RALGAPA1: variants seen among roughly 807,000 people sequenced by gnomAD.
RALGAPA1 encodes the protein Ral GTPase activating protein catalytic subunit alpha 1, also known as ral GTPase-activating protein subunit alpha-1.
In RALGAPA1, 52 loss-of-function variants were observed where a neutral mutation model predicts 269.6. The observed-to-expected ratio is 0.19, with a 90% CI of 0.15 to 0.24. The LOEUF (loss-of-function observed/expected upper bound fraction) is 0.24. RALGAPA1 is among the 10% of genes least tolerant of loss of function. RALGAPA1 has a pLI of 1.00. For synonymous variants in RALGAPA1, 817 were observed against 1,008.3 expected (o/e 0.81, Z 3.60); for missense variants, 1,917 against 3,013.9 (o/e 0.64, Z 8.52).
chr14:35,550,189 A>C (rs2054858178), intron 39 of RALGAPA1, among the ~76,000 whole-genome samples: 1 of 152,236 alleles, frequency 6.6e-6, no homozygotes, highest in Admixed American at 6.5e-5. Context: ...GTAGAGCAGC[A>C]GGCAGCAACA....
intron 1 of RALGAPA1, among the ~76,000 whole-genome samples, chr14:35,792,085 T>C (rs2076218189): frequency 6.6e-6 from 1 of 152,072 alleles, no homozygotes; most frequent in South Asian, 2.1e-4. Flanking sequence ...GCCTTAAATA[T>C]TGGCCAAGGA....
intron 37 of RALGAPA1, among the ~76,000 whole-genome samples, chr14:35,586,802 C>G (rs1359750515): frequency 1.3e-5 from 2 of 152,162 alleles, no homozygotes; most frequent in Non-Finnish European, 2.9e-5. Context: ...GCATCCCAGG[C>G]ATGAAGCCAA....
chr14:35,685,751 A>G (rs28682407), intron 19 of RALGAPA1, among the ~76,000 whole-genome samples: 16,937 of 152,058 alleles, frequency 0.11, 1,563 homozygotes, highest in East Asian at 0.37. Context: ...TAAAAATAGA[A>G]CAATTATCCA....
intron 11 of RALGAPA1, among the ~76,000 whole-genome samples, chr14:35,741,495 C>G (rs548165465): frequency 1.3e-5 from 2 of 152,132 alleles, no homozygotes; most frequent in South Asian, 4.1e-4. Context: ...CACGCTCAGG[C>G]TCATCAAATC....
At chr14:35,716,626 C>G (rs1309506371) in intron 16 of RALGAPA1, among the ~76,000 whole-genome samples, 1 of 151,996 alleles carries the variant, frequency 6.6e-6, no homozygotes, top group African/African-American at 2.4e-5. Context: ...ACCAAGATAT[C>G]CCCAAAATAA....
chr14:35,539,905 C>T (rs1197429861), intron 41 of RALGAPA1, among the ~76,000 whole-genome samples: 1 of 152,042 alleles, frequency 6.6e-6, no homozygotes, highest in Non-Finnish European at 1.5e-5. Flanking sequence ...CAAGAAAGCG[C>T]CAATCATCAT....
intron 37 of RALGAPA1, among the ~76,000 whole-genome samples, chr14:35,582,808 C>G (rs1490475376): frequency 6.6e-6 from 1 of 152,158 alleles, no homozygotes; most frequent in Non-Finnish European, 1.5e-5. Context: ...TTACCAAAGC[C>G]TAATCTACCT....
At chr14:35,685,740 C>T (rs2065870443) in intron 19 of RALGAPA1, among the ~76,000 whole-genome samples, 1 of 152,182 alleles carries the variant, frequency 6.6e-6, no homozygotes, top group Non-Finnish European at 1.5e-5. Context: ...CCTGTCTCTA[C>T]TAAAAATAGA....
chr14:35,684,999 A>C lies in RALGAPA1; in HGVS notation c.4224T>G (p.Ser1408Arg). 6.2e-7 allele frequency: 1 copy of C among 1,613,340 alleles called. No homozygotes were observed. Among genetic ancestry groups the C allele is most frequent in the Admixed American group, 1.7e-5 (1 of 59,930 alleles). Residue 1408 changes from serine (S) to arginine (R), a missense_variant, in exon 20 of 42, where the codon AGT becomes AGG. Ser to Arg is a moderately radical substitution (Grantham distance 110, BLOSUM62 -1). This residue lies in a region of RALGAPA1 where 615 missense variants were observed against 790.0 expected (regional missense o/e 0.78). Coordinates refer to ENST00000680220, the MANE Select transcript of RALGAPA1 (RefSeq NM_001346249.2). The part of the protein sequence containing the change: ...EWTSPASAGS[S>R]DLISSDSHSD... Reference sequence around the variant, plus strand: ...AATGACTATCTGAGCTGATAAGATCACTGCTCCCTGCACTGGCAGGAGAAG... The same window carrying C: ...AATGACTATCTGAGCTGATAAGATCCCTGCTCCCTGCACTGGCAGGAGAAG...
intron 34 of RALGAPA1, among the ~76,000 whole-genome samples, chr14:35,625,958 G>C (rs1192399199): frequency 6.6e-6 from 1 of 152,136 alleles, no homozygotes; most frequent in East Asian, 1.9e-4. Flanking sequence ...GCTTGCTGAA[G>C]TAAAATACAG....
At chr14:35,600,135 CT>C (rs1353447238) in intron 36 of RALGAPA1, among the ~76,000 whole-genome samples, 256 of 132,868 alleles carry the variant, frequency 1.9e-3, no homozygotes, top group African/African-American at 3.5e-3. Flanking sequence ...GAATGCTAGA[CT>C]TTTTTTTTTT....
Position 35,751,083 on chromosome 14 carries a change from G to A in RALGAPA1, c.803-393C>T, listed in dbSNP as rs544292882. ...GTTAGTTGCCTAAACTTGGTATTAG[G>A]AACATCTTTCTGGGAAAGAGACAAT... On this transcript the variant is annotated intron_variant, in intron 8 of 41. Transcript: ENST00000680220. Among the ~76,000 whole-genome samples the A allele has an allele frequency of 5.3e-5, 8 of 152,244 alleles. No homozygotes were observed. In the South Asian group the frequency reaches 1.5e-3, roughly 28 times the overall value.
intron 11 of RALGAPA1, among the ~76,000 whole-genome samples, chr14:35,738,860 C>T (rs2071288082): frequency 1.3e-5 from 2 of 151,978 alleles, no homozygotes; most frequent in African/African-American, 4.8e-5. Context: ...TAAAAAACAA[C>T]AACAAAACCC....
chr14:35,688,771 G>A lies in RALGAPA1; in HGVS notation c.3640C>T (p.Pro1214Ser), dbSNP rs1403624302. ...TELVKPGVYR[P>S]LDTLGTASVS... ...GATGCAGTACCAAGTGTATCTAGAG[G>A]TCTGTACACACCAGGTTTTACTAGC... The change falls in exon 18 of 42, where the codon CCT (proline) becomes TCT (serine). Residue 1214 changes from proline to serine, a missense_variant. Physicochemically the swap from Pro to Ser is moderately conservative, Grantham distance 74. This residue lies in a region of RALGAPA1 where 615 missense variants were observed against 790.0 expected (regional missense o/e 0.78). Coordinates refer to ENST00000680220, the MANE Select transcript of RALGAPA1 (RefSeq NM_001346249.2). 1.4e-6 allele frequency: 2 copies of A among 1,440,940 alleles called. No homozygotes were observed. Among genetic ancestry groups the A allele is most frequent in the Non-Finnish European group, 1.8e-6 (2 of 1,103,768 alleles). The allele number at this position is 1,440,940 out of a possible 1,614,324, so 89.3% of individuals were successfully genotyped here. A position where few individuals can be genotyped will look rare whatever the true frequency, so the allele number is the denominator to read the frequency against.
At chr14:35,551,697 A>G (rs1161870048) in intron 39 of RALGAPA1, among the ~76,000 whole-genome samples, 4 of 152,182 alleles carry the variant, frequency 2.6e-5, no homozygotes, top group Non-Finnish European at 4.4e-5. Context: ...CAAGAAAATG[A>G]TTATCTAGCT....
intron 3 of RALGAPA1, among the ~76,000 whole-genome samples, chr14:35,772,165 C>T (rs1400530597): frequency 1.3e-5 from 2 of 152,146 alleles, no homozygotes; most frequent in Non-Finnish European, 2.9e-5. Flanking sequence ...AAGTGATCCA[C>T]TCGTCTCAGC....
chr14:35,699,519 G>A (rs1047178556), intron 17 of RALGAPA1, among the ~76,000 whole-genome samples: 1 of 152,118 alleles, frequency 6.6e-6, no homozygotes, highest in African/African-American at 2.4e-5. Context: ...GGGGACCAAC[G>A]ACCTGAGGCA....
intron 35 of RALGAPA1, among the ~76,000 whole-genome samples, chr14:35,605,914 T>C (rs1721327516): frequency 6.6e-6 from 1 of 152,158 alleles, no homozygotes; most frequent in Non-Finnish European, 1.5e-5. Flanking sequence ...GCACGATCAC[T>C]TTTGACTGCA....
chr14:35,808,889 C>G lies in RALGAPA1; in HGVS notation c.-54G>C. 6.4e-7 allele frequency: 1 copy of G among 1,574,458 alleles called. No homozygotes were observed. The highest frequency in any genetic ancestry group is 1.3e-5 in the African/African-American group (1 of 74,218). ...CCACAGCCGGCTCCCAGCCGGGTCCCGGCGGCAGAAAGTGGAGGGAGTGGA... is the reference window on the plus strand; with the variant it reads ...CCACAGCCGGCTCCCAGCCGGGTCCGGGCGGCAGAAAGTGGAGGGAGTGGA... On this transcript the variant is annotated 5_prime_UTR_variant, in exon 1 of 42. Transcript: ENST00000680220.
Sources: gnomAD v4.1 joint callset for allele counts (sites outside exome capture counted in the v4.1 genomes callset) on GRCh38, gnomAD v4.1.1 for gene constraint, gnomAD v4.1.1 regional missense constraint, MANE v1.5 for transcripts, NCBI Gene and HGNC (gene_info 2026-07-23, HGNC 2026-07-21) for gene names.